ZBTB16: variants seen among roughly 807,000 people sequenced by gnomAD.
ZBTB16 encodes zinc finger and BTB domain containing 16, also known as zinc finger and BTB domain-containing protein 16.
ZBTB16 carries 8 observed loss-of-function variants against 56.8 expected under a neutral mutation model. The ratio of observed to expected loss-of-function variants is 0.14; its 90% confidence interval spans 0.08 to 0.25. The LOEUF is 0.25. Ranked by LOEUF, ZBTB16 falls within the 10% of genes least tolerant of loss-of-function variation. The pLI, the probability that ZBTB16 is intolerant of heterozygous loss-of-function variation, is 1.00. For missense variants in ZBTB16, 625 were observed against 903.0 expected (o/e 0.69, Z 3.95); for synonymous variants, 363 against 368.5 (o/e 0.98, Z 0.17).
chr11:114,224,564 G>C (rs1406466966), intron 4 of ZBTB16, among the ~76,000 whole-genome samples: 1 of 152,100 alleles, frequency 6.6e-6, no homozygotes, highest in Admixed American at 6.6e-5. Flanking sequence ...GTCCATTTTG[G>C]AGTTGTCATC....
chr11:114,177,580 G>A lies in ZBTB16; in HGVS notation c.1367-9372G>A, dbSNP rs1297976226. On this transcript the variant is annotated intron_variant, in intron 3 of 6. Coordinates refer to ENST00000335953, the MANE Select transcript of ZBTB16 (RefSeq NM_006006.6). ...GACTTCATTTTGAGGGGGCCTGACC[G>A]TTAACCTCCGAGAGATCTCTCAGTT... 3.9e-5 allele frequency among the ~76,000 whole-genome samples: 6 copies of A among 152,232 alleles called. No homozygotes were observed. In the South Asian group the frequency reaches 6.2e-4, roughly 16 times the overall value.
In ZBTB16 at chr11:114,139,780, G is replaced by A. The variant is rs77423790; in HGVS notation, c.1269-16557G>A. On this transcript the variant is annotated intron_variant, in intron 2 of 6. Coordinates refer to ENST00000335953, the MANE Select transcript of ZBTB16 (RefSeq NM_006006.6). Reference sequence around the variant, plus strand: ...AAGTGACCAAACAGAGTGAGTGTCCGGAAGGCCCGTCACCCTGATATTCAC... The same window carrying A: ...AAGTGACCAAACAGAGTGAGTGTCCAGAAGGCCCGTCACCCTGATATTCAC... Among the ~76,000 whole-genome samples the A allele has an allele frequency of 8.7e-3, 1,321 of 152,204 alleles. 10 individuals are homozygous for A. Among genetic ancestry groups the A allele is most frequent in the Non-Finnish European group, 0.014 (962 of 68,022 alleles).
chr11:114,121,706 T>G, intron 2 of ZBTB16: 1 of 418,716 alleles, frequency 2.4e-6, no homozygotes, highest in South Asian at 1.7e-5. Context: ...AACTGGAATT[T>G]GAAATCATGA....
chr11:114,110,186 C>T (rs1481972450), intron 2 of ZBTB16, among the ~76,000 whole-genome samples: 3 of 151,970 alleles, frequency 2.0e-5, no homozygotes, highest in Non-Finnish European at 2.9e-5. Context: ...CACTGTGCCC[C>T]CACCCCCTTT....
chr11:114,158,722 C>T (rs1158539209), intron 3 of ZBTB16, among the ~76,000 whole-genome samples: 3 of 152,206 alleles, frequency 2.0e-5, no homozygotes, highest in Non-Finnish European at 4.4e-5. Flanking sequence ...AAATATTTAA[C>T]GCTATCTCGG....
At chr11:114,154,473 C>T (rs79177535) in intron 2 of ZBTB16, among the ~76,000 whole-genome samples, 2,370 of 152,218 alleles carry the variant, frequency 0.016, 63 homozygotes, top group African/African-American at 0.054. Flanking sequence ...CTATCATGCC[C>T]GGGCAAGTGA....
chr11:114,199,204 C>A (rs573673449), intron 4 of ZBTB16, among the ~76,000 whole-genome samples: 13 of 150,662 alleles, frequency 8.6e-5, no homozygotes, highest in Non-Finnish European at 1.2e-4. Flanking sequence ...TGCCGGGCCC[C>A]GGGACGGGGA....
intron 2 of ZBTB16, among the ~76,000 whole-genome samples, chr11:114,149,307 A>C (rs1942227009): frequency 6.6e-6 from 1 of 152,190 alleles, no homozygotes; most frequent in South Asian, 2.1e-4. Flanking sequence ...ATACATGGTC[A>C]ATATACCACT....
At chr11:114,133,228 G>T (rs1466605570) in intron 2 of ZBTB16, among the ~76,000 whole-genome samples, 1 of 152,044 alleles carries the variant, frequency 6.6e-6, no homozygotes, top group Non-Finnish European at 1.5e-5. Context: ...TACAAAATGT[G>T]GGGGGTGCAG....
chr11:114,216,740 A>G (rs1456660174), intron 4 of ZBTB16, among the ~76,000 whole-genome samples: 1 of 152,178 alleles, frequency 6.6e-6, no homozygotes, highest in Non-Finnish European at 1.5e-5. Flanking sequence ...AAGATCCCCT[A>G]TTCCCTATCA....
At chr11:114,070,549 A>T (rs1024129022) in intron 2 of ZBTB16, among the ~76,000 whole-genome samples, 4 of 152,250 alleles carry the variant, frequency 2.6e-5, no homozygotes, top group Non-Finnish European at 5.9e-5. Context: ...TCCCATGGTC[A>T]CACAGCTATA....
intron 3 of ZBTB16, among the ~76,000 whole-genome samples, chr11:114,170,701 C>T (rs1373764873): frequency 6.6e-6 from 1 of 151,758 alleles, no homozygotes; most frequent in African/African-American, 2.4e-5. Flanking sequence ...TTGGATTAAA[C>T]TTCAGCAGCT....
At position 114,250,927 on chromosome 11, in the gene ZBTB16, C is replaced by T. The variant is rs895285113; in HGVS notation, c.*372C>T. ...GAGAGGTCCTCTGGTCAGAGCCACA[C>T]GGTCTGTGCCGGCCTTCCTCCACCA... On this transcript the variant is annotated 3_prime_UTR_variant, in exon 7 of 7. Coordinates refer to ENST00000335953, the MANE Select transcript of ZBTB16 (RefSeq NM_006006.6). This position sits in a 1 kb window ranked among gnomAD's most constrained non-coding sequence, Gnocchi z 6.0. Among the ~76,000 whole-genome samples, 5 of 152,168 alleles carry T rather than the reference C, an allele frequency of 3.3e-5. No homozygotes were observed. Among genetic ancestry groups the T allele is most frequent in the South Asian group, 4.2e-4 (2 of 4,816 alleles).
chr11:114,158,499 C>T (rs1942486285), intron 3 of ZBTB16, among the ~76,000 whole-genome samples: 1 of 152,188 alleles, frequency 6.6e-6, no homozygotes, highest in Non-Finnish European at 1.5e-5. Context: ...CAGCCAGAAG[C>T]AGTCGTGCCT....
At position 114,191,777 on chromosome 11, in the gene ZBTB16, C is replaced by T. The variant is rs149091010; in HGVS notation, c.1453+4739C>T. On this transcript the variant is annotated intron_variant, in intron 4 of 6. Transcript: ENST00000335953. ...ATTTGACTATACACACATGCATGCACGCACATATACACACACACGCATACG... is the reference window on the plus strand; with the variant it reads ...ATTTGACTATACACACATGCATGCATGCACATATACACACACACGCATACG... Among the ~76,000 whole-genome samples, 139 of 152,260 alleles carry T rather than the reference C, an allele frequency of 9.1e-4. 1 individual carries two copies. In the Middle Eastern group the frequency reaches 0.014, roughly 15 times the overall value.
chr11:114,222,466 A>C (rs1338572415), intron 4 of ZBTB16, among the ~76,000 whole-genome samples: 2 of 152,156 alleles, frequency 1.3e-5, no homozygotes, highest in Non-Finnish European at 2.9e-5. Context: ...TTCTGGGCAG[A>C]AACCTGAATG....
chr11:114,163,206 C>G (rs1040839513), intron 3 of ZBTB16, among the ~76,000 whole-genome samples: 1 of 110,534 alleles, frequency 9.0e-6, no homozygotes, highest in Admixed American at 1.1e-4. Flanking sequence ...CCCCCCCCAA[C>G]CCCACCCCCA....
chr11:114,094,468 T>C (rs539979789), intron 2 of ZBTB16, among the ~76,000 whole-genome samples: 132 of 152,340 alleles, frequency 8.7e-4, no homozygotes, highest in Admixed American at 4.0e-3. Context: ...ATGAAGGGCA[T>C]GGGCCACCCC....
intron 4 of ZBTB16, among the ~76,000 whole-genome samples, chr11:114,208,910 A>G (rs993460032): frequency 1.3e-5 from 2 of 152,214 alleles, no homozygotes; most frequent in Non-Finnish European, 2.9e-5. Context: ...CGTCATCCGA[A>G]TGGGTCAATG....
Sources: gnomAD v4.1 joint callset for allele counts (sites outside exome capture counted in the v4.1 genomes callset) on GRCh38, gnomAD v4.1.1 for gene constraint, Gnocchi (gnomAD v3.1) non-coding constraint, MANE v1.5 for transcripts, NCBI Gene and HGNC (gene_info 2026-07-23, HGNC 2026-07-21) for gene names.